The following TMEM132D variants were observed in gnomAD, a reference collection of about 807,000 sequenced individuals.
The protein encoded by TMEM132D is mature OL transmembrane protein.
A neutral mutation model predicts 62.3 loss-of-function variants in TMEM132D; 21 were observed. The observed-to-expected ratio is 0.34, with a 90% CI of 0.24 to 0.49. The LOEUF (loss-of-function observed/expected upper bound fraction) is 0.49. Among genes scored for constraint, TMEM132D ranks in the 20% least tolerant of loss-of-function variants. The pLI is 0.99. For synonymous variants in TMEM132D, 621 were observed against 575.6 expected (o/e 1.08, Z -1.13); for missense variants, 1,346 against 1,402.8 (o/e 0.96, Z 0.65).
chr12:129,713,424 A>G (rs979044098), intron 1 of TMEM132D, among the ~76,000 whole-genome samples: 1 of 151,960 alleles, frequency 6.6e-6, no homozygotes, highest in Non-Finnish European at 1.5e-5. Flanking sequence ...TTTAATAAAA[A>G]TTGCAAGATT....
intron 5 of TMEM132D, among the ~76,000 whole-genome samples, chr12:129,128,392 G>A (rs950770796): frequency 6.6e-6 from 1 of 152,178 alleles, no homozygotes. Flanking sequence ...CCTGGTGGAA[G>A]GTGAAGAGGA....
intron 5 of TMEM132D, among the ~76,000 whole-genome samples, chr12:129,150,468 T>C: frequency 6.6e-6 from 1 of 152,204 alleles, no homozygotes; most frequent in Non-Finnish European, 1.5e-5. Context: ...TGATTTATGG[T>C]TTATTACTTG....
intron 3 of TMEM132D, among the ~76,000 whole-genome samples, chr12:129,416,538 C>T (rs1360247769): frequency 1.3e-5 from 2 of 152,130 alleles, no homozygotes; most frequent in Non-Finnish European, 2.9e-5. Context: ...TTTGAATACG[C>T]TTTATTTCTT....
At chr12:129,442,983 G>T (rs1014446229) in intron 3 of TMEM132D, among the ~76,000 whole-genome samples, 4 of 152,064 alleles carry the variant, frequency 2.6e-5, no homozygotes, top group Non-Finnish European at 4.4e-5. Context: ...CTCCCTCCCA[G>T]GTGAACACAT....
chr12:129,105,384 G>A (rs1363875587), intron 5 of TMEM132D, among the ~76,000 whole-genome samples: 2 of 123,984 alleles, frequency 1.6e-5, no homozygotes, highest in Non-Finnish European at 3.2e-5. Flanking sequence ...CACACTCTGG[G>A]GACCGTTGTG....
At chr12:129,210,336 ACT>A (rs1197685203) in intron 4 of TMEM132D, 1 of 151,740 alleles carries the variant, frequency 6.6e-6, no homozygotes, top group African/African-American at 2.4e-5. Flanking sequence ...GCTTGCTTTC[ACT>A]CTGTTTCAAT....
At chr12:129,613,690 C>T (rs1878837688) in intron 2 of TMEM132D, among the ~76,000 whole-genome samples, 1 of 152,202 alleles carries the variant, frequency 6.6e-6, no homozygotes, top group African/African-American at 2.4e-5. Context: ...CTCCAGCACC[C>T]AGAAGACTGG....
rs202112603 is a variant in TMEM132D at position 129,271,394 on chromosome 12, A to AT, written c.1300-61732dup. On this transcript the variant is annotated intron_variant, in intron 4 of 8. Transcript: ENST00000422113. ...GAACAGTTTTTCTTTTTTCTTTTTG[A>AT]TTTTTTTTTAAATTTTACTTTGAGT... Among the ~76,000 whole-genome samples the AT allele has an allele frequency of 4.8e-4, 72 of 150,966 alleles. 1 individual carries two copies. The East Asian group carries it at 7.0e-3, about 15-fold the overall frequency.
At chr12:129,482,880 C>G (rs1204118501) in intron 3 of TMEM132D, among the ~76,000 whole-genome samples, 2 of 151,742 alleles carry the variant, frequency 1.3e-5, no homozygotes, top group African/African-American at 4.8e-5. Context: ...TTAATTGGCT[C>G]TCTTCCTAGC....
intron 2 of TMEM132D, among the ~76,000 whole-genome samples, chr12:129,669,939 A>T (rs865876043): frequency 4.6e-5 from 7 of 152,292 alleles, no homozygotes; most frequent in African/African-American, 1.7e-4. Context: ...AGACAGTTGC[A>T]AAGTGGTTTC....
intron 3 of TMEM132D, among the ~76,000 whole-genome samples, chr12:129,391,672 A>G (rs79357157): frequency 0.065 from 9,869 of 152,264 alleles, 340 homozygotes; most frequent in South Asian, 0.12. Flanking sequence ...TAAAAACAAA[A>G]ACAAAAACTC....
rs141226480 is a variant in TMEM132D at position 129,656,911 on chromosome 12, G to A, written c.968+42899C>T. Among the ~76,000 whole-genome samples, 894 of 152,224 alleles carry A rather than the reference G, an allele frequency of 5.9e-3. 13 individuals carry two copies. The highest frequency in any genetic ancestry group is 0.021 in the African/African-American group (856 of 41,528). ...CCCTCACTGTCTGATGGAGACCTGT[G>A]CTCCTAACCACCACAATACACTATT... is the stretch of plus-strand genomic sequence containing the variant. On this transcript the variant is annotated intron_variant, in intron 2 of 8. Transcript: ENST00000422113.
Position 129,562,153 on chromosome 12 carries a change from G to A in TMEM132D, c.969-30948C>T, listed in dbSNP as rs530137104. ...AGGACTTGGGCTTCAGCTAAACAAGGATTTTTCCAAAATCCCAGGTATTTG... is the reference window on the plus strand; with the variant it reads ...AGGACTTGGGCTTCAGCTAAACAAGAATTTTTCCAAAATCCCAGGTATTTG... On this transcript the variant is annotated intron_variant, in intron 2 of 8. Coordinates refer to ENST00000422113, the MANE Select transcript of TMEM132D (RefSeq NM_133448.3). Among the ~76,000 whole-genome samples the A allele has an allele frequency of 2.0e-5, 3 of 152,238 alleles. No individual in the cohort carries two copies. The South Asian group carries it at 6.2e-4, about 32-fold the overall frequency.
At chr12:129,238,655 A>G (rs559795438) in intron 4 of TMEM132D, among the ~76,000 whole-genome samples, 1 of 152,022 alleles carries the variant, frequency 6.6e-6, no homozygotes, top group East Asian at 1.9e-4. Context: ...CATATGTCCA[A>G]ATTTCCTTAT....
At chr12:129,385,529 A>G (rs772860517) in intron 3 of TMEM132D, among the ~76,000 whole-genome samples, 33 of 152,320 alleles carry the variant, frequency 2.2e-4, no homozygotes, top group Non-Finnish European at 2.4e-4. Flanking sequence ...CCTCCTGGCC[A>G]CCAACCAGCC....
At chr12:129,741,597 A>C (rs1869611020) in intron 1 of TMEM132D, among the ~76,000 whole-genome samples, 1 of 152,190 alleles carries the variant, frequency 6.6e-6, no homozygotes, top group African/African-American at 2.4e-5. Context: ...CCTGGATGGC[A>C]AGAAGATAAA....
chr12:129,446,664 C>T (rs1460677134), intron 3 of TMEM132D, among the ~76,000 whole-genome samples: 1 of 152,230 alleles, frequency 6.6e-6, no homozygotes, highest in Admixed American at 6.5e-5. Context: ...CACAGCATTA[C>T]TGCTTCCCAT....
intron 1 of TMEM132D, among the ~76,000 whole-genome samples, chr12:129,722,194 C>T (rs1868858963): frequency 6.6e-6 from 1 of 152,202 alleles, no homozygotes; most frequent in Non-Finnish European, 1.5e-5. Context: ...CCTAACTCCT[C>T]CTTTCCAATG....
intron 3 of TMEM132D, among the ~76,000 whole-genome samples, chr12:129,430,888 G>C (rs572945906): frequency 6.6e-6 from 1 of 152,162 alleles, no homozygotes. Context: ...TCAGGAGAGT[G>C]GGGGGAGACA....
Sources: gnomAD v4.1 joint callset for allele counts (sites outside exome capture counted in the v4.1 genomes callset) on GRCh38, gnomAD v4.1.1 for gene constraint, MANE v1.5 for transcripts, NCBI Gene and HGNC (gene_info 2026-07-23, HGNC 2026-07-21) for gene names.